Variants in CRPPA observed in about 807,000 individuals in gnomAD.
CRPPA encodes CDP-L-ribitol pyrophosphorylase A.
Under a neutral mutation model 52.0 loss-of-function variants are expected in CRPPA, and 43 were observed. The observed-to-expected ratio is 0.83, with a 90% CI of 0.65 to 1.07. The LOEUF (loss-of-function observed/expected upper bound fraction) is 1.07. Ranked by LOEUF, CRPPA falls within the 50% of genes least tolerant of loss-of-function variation. CRPPA has a pLI of 0.00. For missense variants in CRPPA, 629 were observed against 551.7 expected (o/e 1.14, Z -1.40); for synonymous variants, 250 against 203.5 (o/e 1.23, Z -1.94).
intron 3 of CRPPA, among the ~76,000 whole-genome samples, chr7:16,314,867 T>C (rs530640615): frequency 2.1e-4 from 32 of 152,128 alleles, no homozygotes; most frequent in Non-Finnish European, 2.8e-4. Flanking sequence ...GTAGTTTATT[T>C]GGAATTTATA....
intron 3 of CRPPA, among the ~76,000 whole-genome samples, chr7:16,330,046 T>G (rs1054350052): frequency 6.6e-6 from 1 of 152,216 alleles, no homozygotes; most frequent in Admixed American, 6.5e-5. Context: ...CTTGCTTTCT[T>G]GTAAGTGATA....
intron 3 of CRPPA, among the ~76,000 whole-genome samples, chr7:16,328,925 G>A (rs1785482306): frequency 1.3e-5 from 2 of 152,256 alleles, no homozygotes; most frequent in African/African-American, 4.8e-5. Context: ...ACAGCACACA[G>A]TTTGGGCCAT....
intron 5 of CRPPA, 65 bp downstream of exon 5, chr7:16,301,356 G>T: frequency 7.5e-7 from 1 of 1,329,804 alleles, no homozygotes; most frequent in South Asian, 1.2e-5. Context: ...AAACTGTCAT[G>T]AGAAATTCCG....
intron 3 of CRPPA, among the ~76,000 whole-genome samples, chr7:16,310,188 C>T (rs1785004009): frequency 6.6e-6 from 1 of 152,060 alleles, no homozygotes; most frequent in Non-Finnish European, 1.5e-5. Flanking sequence ...TCATTGATCA[C>T]ATGAGAAACA....
chr7:16,414,399 A>ACACC (rs1177532560), intron 1 of CRPPA, among the ~76,000 whole-genome samples: 1 of 130,732 alleles, frequency 7.6e-6, no homozygotes, highest in Non-Finnish European at 1.6e-5. Context: ...ACACACACAC[A>ACACC]CACCCCATGA....
intron 9 of CRPPA, among the ~76,000 whole-genome samples, chr7:16,212,223 G>C (rs1583432834): frequency 6.6e-6 from 1 of 152,116 alleles, no homozygotes; most frequent in Non-Finnish European, 1.5e-5. Context: ...CTTGGTTTTT[G>C]CAGGTCTGCC....
At chr7:16,184,103 C>T (rs1259330538) in intron 9 of CRPPA, among the ~76,000 whole-genome samples, 6 of 151,596 alleles carry the variant, frequency 4.0e-5, no homozygotes, top group African/African-American at 1.2e-4. Context: ...CACCACGCCC[C>T]GCTAATTTTT....
intron 2 of CRPPA, among the ~76,000 whole-genome samples, chr7:16,388,442 A>G (rs1251221738): frequency 6.6e-6 from 1 of 152,262 alleles, no homozygotes; most frequent in African/African-American, 2.4e-5. Flanking sequence ...CCTATATAAA[A>G]AGATTCTAGA....
chr7:16,397,245 G>A (rs1001958199), intron 2 of CRPPA, among the ~76,000 whole-genome samples: 2 of 152,310 alleles, frequency 1.3e-5, no homozygotes, highest in Admixed American at 6.5e-5. Flanking sequence ...ACATGTAACT[G>A]ACATGTACAC....
intron 8 of CRPPA, among the ~76,000 whole-genome samples, chr7:16,221,666 A>G (rs1481669584): frequency 6.6e-6 from 1 of 152,126 alleles, no homozygotes; most frequent in Non-Finnish European, 1.5e-5. Flanking sequence ...AAAAGAAGAC[A>G]TTTATGCAGC....
chr7:16,416,864 C>T (rs1788207376), intron 1 of CRPPA, among the ~76,000 whole-genome samples: 1 of 152,028 alleles, frequency 6.6e-6, no homozygotes, highest in South Asian at 2.1e-4. Context: ...AGAGCTTCTG[C>T]ACAGCAATTG....
intron 8 of CRPPA, among the ~76,000 whole-genome samples, chr7:16,233,975 C>T (rs1782873498): frequency 6.6e-6 from 1 of 151,968 alleles, no homozygotes; most frequent in Non-Finnish European, 1.5e-5. Context: ...GCTTCTGTAC[C>T]TGTTAATATT....
intron 8 of CRPPA, among the ~76,000 whole-genome samples, chr7:16,254,367 A>G (rs1783555054): frequency 6.6e-6 from 1 of 152,228 alleles, no homozygotes; most frequent in African/African-American, 2.4e-5. Flanking sequence ...GACTGGATTA[A>G]GAAAATGTGG....
intron 9 of CRPPA, among the ~76,000 whole-genome samples, chr7:16,138,752 T>G (rs1782808837): frequency 6.6e-6 from 1 of 152,168 alleles, no homozygotes; most frequent in African/African-American, 2.4e-5. Flanking sequence ...AAATAGCTAT[T>G]AAACATTGTA....
intron 3 of CRPPA, among the ~76,000 whole-genome samples, chr7:16,339,985 C>T (rs1301715806): frequency 6.6e-6 from 1 of 151,950 alleles, no homozygotes; most frequent in Non-Finnish European, 1.5e-5. Flanking sequence ...GGAAAAGGAA[C>T]AAAAACAATA....
intron 3 of CRPPA, among the ~76,000 whole-genome samples, chr7:16,367,681 G>A (rs1380868375): frequency 6.6e-6 from 1 of 152,122 alleles, no homozygotes; most frequent in Non-Finnish European, 1.5e-5. Context: ...AGCATGTGGG[G>A]TACAGGCAGG....
At chr7:16,274,915 G>T (rs1223293017) in intron 6 of CRPPA, among the ~76,000 whole-genome samples, 1 of 151,978 alleles carries the variant, frequency 6.6e-6, no homozygotes, top group East Asian at 1.9e-4. Flanking sequence ...AAAAAGCAAG[G>T]AGGATATCAA....
rs6975056 is a variant in CRPPA at position 16,188,425 on chromosome 7, T to C, written c.1251+27641A>G. On this transcript the variant is annotated intron_variant, in intron 9 of 9. Transcript: ENST00000407010. ...TATAGTTTCAAACCATAATTACTGA[T>C]TGAAACAGGTGCAAAACTATTTGGA... 2.1e-3 allele frequency among the ~76,000 whole-genome samples: 318 copies of C among 152,276 alleles called. 2 individuals carry two copies. The highest frequency in any genetic ancestry group is 7.3e-3 in the African/African-American group (305 of 41,560).
intron 9 of CRPPA, chr7:16,209,092 G>A: frequency 2.7e-6 from 1 of 371,030 alleles, no homozygotes; most frequent in African/African-American, 2.1e-5. Flanking sequence ...TGGCTCTGGT[G>A]GGCAGACTAA....
Sources: gnomAD v4.1 joint callset for allele counts (sites outside exome capture counted in the v4.1 genomes callset) on GRCh38, gnomAD v4.1.1 for gene constraint, MANE v1.5 for transcripts, NCBI Gene and HGNC (gene_info 2026-07-23, HGNC 2026-07-21) for gene names.